LINGO2: variants seen among roughly 807,000 people sequenced by gnomAD.
LINGO2 encodes leucine rich repeat and Ig domain containing 2, also known as leucine-rich repeat and immunoglobulin-like domain-containing nogo receptor-interacting protein 2.
A neutral mutation model predicts 30.6 loss-of-function variants in LINGO2; 14 were observed. The observed-to-expected ratio is 0.46, with a 90% CI of 0.30 to 0.72. The LOEUF (loss-of-function observed/expected upper bound fraction) is 0.72, where lower values mean the gene tolerates loss of function less well. LINGO2 is among the 30% of genes least tolerant of loss of function. LINGO2 has a pLI of 0.07. For synonymous variants in LINGO2, 317 were observed against 288.5 expected, an observed-to-expected ratio of 1.10 and a Z score of -1.00; for missense variants, 729 against 751.7, an observed-to-expected ratio of 0.97 and a Z score of 0.35.
chr9:28,509,647 C>A (rs1820291533), intron 1 of LINGO2, among the ~76,000 whole-genome samples: 1 of 152,042 alleles, frequency 6.6e-6, no homozygotes, highest in Non-Finnish European at 1.5e-5. Context: ...AAGGGTGGGA[C>A]CTCAACCTAA....
chr9:28,444,849 C>T (rs1325112459), intron 2 of LINGO2, among the ~76,000 whole-genome samples: 1 of 152,218 alleles, frequency 6.6e-6, no homozygotes, highest in Middle Eastern at 3.2e-3. Flanking sequence ...CTGCACCTGG[C>T]TCAGCCTTAG....
the LINGO2 span, among the ~76,000 whole-genome samples, chr9:28,844,638 G>A: frequency 2.6e-4 from 39 of 151,594 alleles, no homozygotes; most frequent in African/African-American, 7.5e-4. Context: ...AACTTACATC[G>A]CAGGGAAGTC....
At chr9:27,963,352 A>G (rs1215313668) in intron 5 of LINGO2, among the ~76,000 whole-genome samples, 2 of 152,086 alleles carry the variant, frequency 1.3e-5, no homozygotes, top group African/African-American at 2.4e-5. Flanking sequence ...CTTCAGAAAG[A>G]TGTCCTCAAA....
intron 4 of LINGO2, among the ~76,000 whole-genome samples, chr9:28,118,106 A>T (rs1826987327): frequency 2.0e-5 from 3 of 152,080 alleles, no homozygotes; most frequent in Non-Finnish European, 2.9e-5. Context: ...GAGGGAGAGT[A>T]TTAGAAAGAA....
the LINGO2 span, among the ~76,000 whole-genome samples, chr9:28,937,496 G>C: frequency 6.6e-6 from 1 of 152,194 alleles, no homozygotes; most frequent in African/African-American, 2.4e-5. Flanking sequence ...TGTTAGATCT[G>C]AAGGTTCCAG....
At chr9:29,004,425 T>C in the LINGO2 span, among the ~76,000 whole-genome samples, 7 of 151,964 alleles carry the variant, frequency 4.6e-5, no homozygotes, top group Non-Finnish European at 7.4e-5. Flanking sequence ...AGTGGGTATA[T>C]AGTGTATTGA....
At chr9:28,927,893 A>G in the LINGO2 span, among the ~76,000 whole-genome samples, 22 of 152,248 alleles carry the variant, frequency 1.4e-4, no homozygotes, top group African/African-American at 5.3e-4. Flanking sequence ...CATAAGTGAC[A>G]GAGTTGTGAT....
intron 5 of LINGO2, among the ~76,000 whole-genome samples, chr9:27,972,524 T>C (rs1820405740): frequency 6.6e-6 from 1 of 152,022 alleles, no homozygotes; most frequent in South Asian, 2.1e-4. Context: ...CAGTGCAGAG[T>C]CTGGACTAGT....
At chr9:28,812,185 T>C in the LINGO2 span, among the ~76,000 whole-genome samples, 1 of 152,160 alleles carries the variant, frequency 6.6e-6, no homozygotes, top group Non-Finnish European at 1.5e-5. Flanking sequence ...AAGCAGGAAC[T>C]AAAGAGAGGA....
At chr9:28,158,291 GC>G (rs1828192143) in intron 4 of LINGO2, among the ~76,000 whole-genome samples, 1 of 152,132 alleles carries the variant, frequency 6.6e-6, no homozygotes, top group Non-Finnish European at 1.5e-5. Context: ...GGAAAGGCTT[GC>G]CCCTATGACT....
rs58629857 is a variant in LINGO2 at position 28,526,055 on chromosome 9, C to CAAA, written c.-364-50033_-364-50031dup. Among the ~76,000 whole-genome samples the CAAA allele has an allele frequency of 6.4e-4, 31 of 48,406 alleles. 1 individual carries two copies. The highest frequency in any genetic ancestry group is 1.3e-3 in the South Asian group (1 of 742). The allele number at this position is 48,406 out of a possible 152,430, so 31.8% of individuals were successfully genotyped here. On this transcript the variant is annotated intron_variant, in intron 1 of 5. Coordinates refer to ENST00000379992, the Ensembl canonical transcript of LINGO2. ...TGGGTGACAGAGCGAGACTCCGTCT[C>CAAA]AAAAAAAAAAAAAAAAAAAAAGCCA...
intron 2 of LINGO2, among the ~76,000 whole-genome samples, chr9:28,471,610 G>A (rs572170632): frequency 3.3e-5 from 5 of 151,922 alleles, no homozygotes; most frequent in Admixed American, 2.6e-4. Flanking sequence ...AACCACAATG[G>A]GATACCACAG....
intron 1 of LINGO2, among the ~76,000 whole-genome samples, chr9:28,525,057 A>G (rs1820965530): frequency 6.6e-6 from 1 of 152,196 alleles, no homozygotes; most frequent in Non-Finnish European, 1.5e-5. Flanking sequence ...AGATACAAAT[A>G]GGTATTTATC....
At chr9:29,135,772 C>A in the LINGO2 span, among the ~76,000 whole-genome samples, 1 of 152,072 alleles carries the variant, frequency 6.6e-6, no homozygotes. Context: ...TTAAACAACT[C>A]CCCATTTTTC....
At chr9:28,568,444 A>G (rs1053663327) in intron 1 of LINGO2, among the ~76,000 whole-genome samples, 1 of 152,076 alleles carries the variant, frequency 6.6e-6, no homozygotes, top group African/African-American at 2.4e-5. Context: ...TACCTATATT[A>G]TAACAATCCC....
At chr9:29,052,303 T>TTC in the LINGO2 span, among the ~76,000 whole-genome samples, 1 of 152,302 alleles carries the variant, frequency 6.6e-6, no homozygotes, top group Non-Finnish European at 1.5e-5. Flanking sequence ...TACTAAGCAC[T>TTC]TCTATACCAG....
At chr9:28,955,747 T>C in the LINGO2 span, among the ~76,000 whole-genome samples, 1 of 152,136 alleles carries the variant, frequency 6.6e-6, no homozygotes, top group African/African-American at 2.4e-5. Flanking sequence ...CCACTGGTCC[T>C]CTCTATCAAA....
intron 1 of LINGO2, among the ~76,000 whole-genome samples, chr9:28,653,524 C>T (rs996599): frequency 0.14 from 21,706 of 152,014 alleles, 2,184 homozygotes; most frequent in African/African-American, 0.28. Context: ...TCACAGGATA[C>T]AAAAATTTAA....
intron 4 of LINGO2, among the ~76,000 whole-genome samples, chr9:28,181,797 T>C (rs1819342686): frequency 6.6e-6 from 1 of 152,104 alleles, no homozygotes; most frequent in Non-Finnish European, 1.5e-5. Context: ...CTCTCTTATT[T>C]CCTCAAGCAG....
Sources: gnomAD v4.1 joint callset for allele counts (sites outside exome capture counted in the v4.1 genomes callset) on GRCh38, gnomAD v4.1.1 for gene constraint, MANE v1.5 for transcripts, NCBI Gene and HGNC (gene_info 2026-07-23, HGNC 2026-07-21) for gene names.